SLC25A18: variants seen among roughly 807,000 people sequenced by gnomAD.
SLC25A18 encodes the protein solute carrier family 25 member 18.
SLC25A18 carries 24 observed loss-of-function variants against 31.1 expected under a neutral mutation model. The observed-to-expected ratio is 0.77, with a 90% CI of 0.56 to 1.08. SLC25A18 has a LOEUF of 1.08. SLC25A18 is among the 50% of genes least tolerant of loss of function. SLC25A18 has a pLI of 0.00. For missense variants in SLC25A18, 371 were observed against 418.5 expected, an observed-to-expected ratio of 0.89 and a Z score of 0.99; for synonymous variants, 173 against 161.9, an observed-to-expected ratio of 1.07 and a Z score of -0.52.
chr22:17,570,562 G>A (rs574324572), intron 2 of SLC25A18, among the ~76,000 whole-genome samples: 19 of 152,302 alleles, frequency 1.2e-4, no homozygotes, highest in African/African-American at 2.6e-4. Flanking sequence ...GCGGCTCACC[G>A]CAACCTCCGC....
At chr22:17,586,756 A>T (rs936669196) in intron 7 of SLC25A18, among the ~76,000 whole-genome samples, 40 of 152,306 alleles carry the variant, frequency 2.6e-4, no homozygotes, top group African/African-American at 9.1e-4. Flanking sequence ...AAAAATAAAT[A>T]AAATAACTAA....
At chr22:17,578,412 C>T (rs1425282390) in intron 2 of SLC25A18, among the ~76,000 whole-genome samples, 1 of 152,258 alleles carries the variant, frequency 6.6e-6, no homozygotes, top group African/African-American at 2.4e-5. Context: ...TCCCCCACCC[C>T]TCCTCTCTTT....
In SLC25A18 at chr22:17,563,666, G is replaced by A. The variant is rs898716382; in HGVS notation, c.-311G>A. 2.6e-5 allele frequency: 26 copies of A among 985,406 alleles called. No individual in the cohort carries two copies. In the African/African-American group the frequency reaches 4.5e-4, roughly 17 times the overall value. 61.0% of individuals were successfully genotyped at this position (985,406 alleles called of 1,614,324 possible). ...GTCGAGTGAAGCCTGGCCCGTGAGT[G>A]CCTCAACAACTGAGATGAACGTCGA... On this transcript the variant is annotated 5_prime_UTR_variant, in exon 1 of 11. Coordinates refer to ENST00000327451, the MANE Select transcript of SLC25A18 (RefSeq NM_031481.3).
At chr22:17,567,300 T>G (rs1414897487) in intron 1 of SLC25A18, among the ~76,000 whole-genome samples, 1 of 152,226 alleles carries the variant, frequency 6.6e-6, no homozygotes, top group Non-Finnish European at 1.5e-5. Flanking sequence ...GTAACTTGTT[T>G]AAGGTCACAC....
intron 1 of SLC25A18, 127 bp from the exon 2 acceptor site, chr22:17,569,797 G>A: frequency 1.0e-6 from 1 of 985,448 alleles, no homozygotes; most frequent in Non-Finnish European, 1.2e-6. Flanking sequence ...CTATTTGAAG[G>A]TGCAGTGTGC....
chr22:17,566,012 G>A (rs957319439), intron 1 of SLC25A18, among the ~76,000 whole-genome samples: 2 of 152,060 alleles, frequency 1.3e-5, no homozygotes, highest in African/African-American at 2.4e-5. Flanking sequence ...ACTTTTTTGA[G>A]GACCTGCCAT....
At chr22:17,584,399 A>AAAGAAAGAAAGAAAG (rs2057464585) in intron 7 of SLC25A18, among the ~76,000 whole-genome samples, 1 of 110,812 alleles carries the variant, frequency 9.0e-6, no homozygotes, top group African/African-American at 3.5e-5. Flanking sequence ...TCTCAAAAAG[A>AAAGAAAGAAAGAAAG]AAAGAAAGAA....
chr22:17,576,725 G>A lies in SLC25A18; in HGVS notation c.-200-3020G>A, dbSNP rs181025172. Among the ~76,000 whole-genome samples the A allele has an allele frequency of 1.6e-3, 240 of 152,252 alleles. 1 individual carries two copies. Among genetic ancestry groups the A allele is most frequent in the South Asian group, 0.011 (54 of 4,818 alleles). On this transcript the variant is annotated intron_variant, in intron 2 of 10. Coordinates refer to ENST00000327451, the MANE Select transcript of SLC25A18 (RefSeq NM_031481.3). ...CATAGGCCTGCGAAAGGGAACTTCC[G>A]GGGCTGGAACTGCAGCAGCTTGGTA...
chr22:17,567,316 G>C (rs2056963308), intron 1 of SLC25A18, among the ~76,000 whole-genome samples: 1 of 152,166 alleles, frequency 6.6e-6, no homozygotes, highest in Non-Finnish European at 1.5e-5. Flanking sequence ...CACACAGCTA[G>C]TAAGCAGTAA....
At chr22:17,589,760 G>C in intron 10 of SLC25A18, 95 bp downstream of exon 10, 2 of 1,194,976 alleles carry the variant, frequency 1.7e-6, no homozygotes, top group African/African-American at 1.5e-5. Context: ...TGAATTGCTG[G>C]GCTCTGGGTT....
rs1017883479 is a variant in SLC25A18, at chr22:17,586,860, A to G, written c.410-276A>G. On this transcript the variant is annotated intron_variant, in intron 7 of 10. Transcript: ENST00000327451. Reference sequence around the variant, plus strand: ...TGGGAGGGTAAGGAATGGAGCCCTAAGGAACGTGGCGGAGAAGCAAGCGGG... The same window carrying G: ...TGGGAGGGTAAGGAATGGAGCCCTAGGGAACGTGGCGGAGAAGCAAGCGGG... Among the ~76,000 whole-genome samples the G allele has an allele frequency of 2.6e-5, 4 of 152,366 alleles. No homozygotes were observed. The East Asian group carries it at 7.7e-4, about 29-fold the overall frequency.
intron 3 of SLC25A18, chr22:17,580,231 C>T (rs2057337752): frequency 1.0e-5 from 4 of 392,492 alleles, no homozygotes; most frequent in South Asian, 7.7e-5. Flanking sequence ...TTCTCTTTAT[C>T]GTCCCAAGTT....
intron 2 of SLC25A18, among the ~76,000 whole-genome samples, chr22:17,574,512 T>C (rs2057176622): frequency 7.0e-6 from 1 of 143,440 alleles, no homozygotes; most frequent in African/African-American, 2.5e-5. Context: ...TCCTTATTCT[T>C]TTTTTTTTTT....
In SLC25A18 at chr22:17,590,416, CCTT is replaced by C. The variant is rs1484269506; in HGVS notation, c.*182_*184del. 8 of 670,036 alleles carry C rather than the reference CCTT, an allele frequency of 1.2e-5. No homozygotes were observed. In the East Asian group the frequency reaches 2.2e-4, roughly 19 times the overall value. The allele number at this position is 670,036 out of a possible 1,614,324, so 41.5% of individuals were successfully genotyped here. On this transcript the variant is annotated 3_prime_UTR_variant, in exon 11 of 11. Transcript: ENST00000327451. ...AACAAGTTGAGCACAGCCTTCTTCCCCTTCGTGTCTACACTCGTTTTCCTTTGT... is the reference window on the plus strand; with the variant it reads ...AACAAGTTGAGCACAGCCTTCTTCCCCGTGTCTACACTCGTTTTCCTTTGT...
chr22:17,584,422 A>AGAAGGAAGGAAG (rs1555951457), intron 7 of SLC25A18, among the ~76,000 whole-genome samples: 33 of 134,182 alleles, frequency 2.5e-4, no homozygotes, highest in African/African-American at 6.2e-4. Context: ...AAAGAAAGAA[A>AGAAGGAAGGAAG]GAAGGAAGGA....
chr22:17,576,765 G>C (rs1218149639), intron 2 of SLC25A18, among the ~76,000 whole-genome samples: 2 of 152,304 alleles, frequency 1.3e-5, no homozygotes, highest in African/African-American at 4.8e-5. Flanking sequence ...CTCAGGGTAG[G>C]GAGGCTCACC....
At chr22:17,572,787 G>T (rs946474662) in intron 2 of SLC25A18, among the ~76,000 whole-genome samples, 59 of 148,114 alleles carry the variant, frequency 4.0e-4, no homozygotes, top group African/African-American at 1.4e-3. Context: ...GACTACAGGC[G>T]CCCGCCACCA....
At chr22:17,575,356 C>T (rs1018609077) in intron 2 of SLC25A18, among the ~76,000 whole-genome samples, 6 of 152,186 alleles carry the variant, frequency 3.9e-5, no homozygotes, top group Non-Finnish European at 8.8e-5. Flanking sequence ...TCATTAGAAG[C>T]ATAGTGGGAG....
intron 7 of SLC25A18, 82 bp downstream of exon 7, chr22:17,583,616 G>T (rs1326572348): frequency 2.0e-6 from 3 of 1,522,898 alleles, no homozygotes; most frequent in East Asian, 2.4e-5. Flanking sequence ...AACCTCATTT[G>T]CTAGGCTGTG....
Sources: gnomAD v4.1 joint callset for allele counts (sites outside exome capture counted in the v4.1 genomes callset) on GRCh38, gnomAD v4.1.1 for gene constraint, MANE v1.5 for transcripts, NCBI Gene and HGNC (gene_info 2026-07-23, HGNC 2026-07-21) for gene names.